The following SPATA13 variants were observed in gnomAD, a reference collection of about 807,000 sequenced individuals.
The protein encoded by SPATA13 is spermatogenesis-associated protein 13.
In SPATA13, 50 loss-of-function variants were observed where a neutral mutation model predicts 104.0. The observed-to-expected ratio is 0.48, with a 90% CI of 0.38 to 0.61. The LOEUF is 0.61. Among genes scored for constraint, SPATA13 ranks in the 20% least tolerant of loss-of-function variants. The probability of loss-of-function intolerance (pLI) is 0.00; values close to 1 mark genes in which losing one functional copy is unlikely to be tolerated. For synonymous variants in SPATA13, 606 were observed against 667.5 expected, an observed-to-expected ratio of 0.91 and a Z score of 1.42; for missense variants, 1,524 against 1,690.6, an observed-to-expected ratio of 0.90 and a Z score of 1.73.
chr13:24,064,408 A>T (rs1878880047), intron 3 of SPATA13, among the ~76,000 whole-genome samples: 1 of 152,172 alleles, frequency 6.6e-6, no homozygotes, highest in Non-Finnish European at 1.5e-5. Flanking sequence ...GTCTCCCTGA[A>T]GTTTATATGT....
chr13:24,083,406 G>T (rs1879609734), intron 3 of SPATA13, among the ~76,000 whole-genome samples: 3 of 152,206 alleles, frequency 2.0e-5, no homozygotes, highest in Non-Finnish European at 4.4e-5. Context: ...AAACAAGTCA[G>T]CAGAGTCAAG....
intron 3 of SPATA13, among the ~76,000 whole-genome samples, chr13:24,146,462 G>T (rs1331082716): frequency 6.6e-6 from 1 of 152,226 alleles, no homozygotes; most frequent in African/African-American, 2.4e-5. Flanking sequence ...TTCATTTAAA[G>T]ATAGGAATTG....
At chr13:24,013,121 T>C (rs1876552692) in intron 2 of SPATA13, among the ~76,000 whole-genome samples, 1 of 152,246 alleles carries the variant, frequency 6.6e-6, no homozygotes, top group Non-Finnish European at 1.5e-5. Flanking sequence ...CATGGCAACC[T>C]GTGCAGACAT....
intron 2 of SPATA13, among the ~76,000 whole-genome samples, chr13:24,239,693 T>TGA (rs1280564999): frequency 2.1e-5 from 1 of 46,940 alleles, no homozygotes; most frequent in East Asian, 8.1e-4. Context: ...AGACCATATC[T>TGA]AAAAAAAAAA....
At chr13:24,058,095 A>G (rs1299446332) in intron 3 of SPATA13, among the ~76,000 whole-genome samples, 3 of 151,832 alleles carry the variant, frequency 2.0e-5, no homozygotes. Flanking sequence ...CTGATCCCAC[A>G]TTGGAGTGTT....
intron 3 of SPATA13, among the ~76,000 whole-genome samples, chr13:24,062,886 T>A (rs1284509819): frequency 1.3e-5 from 2 of 152,194 alleles, no homozygotes; most frequent in Non-Finnish European, 2.9e-5. Context: ...TGTTGCAAAC[T>A]GCATGCTTGT....
intron 1 of SPATA13, among the ~76,000 whole-genome samples, chr13:24,198,783 C>T (rs74041931): frequency 0.012 from 1,828 of 152,246 alleles, 50 homozygotes; most frequent in African/African-American, 0.04. Flanking sequence ...AAAGTTTCTG[C>T]AGGTCAGCAA....
chr13:24,090,437 C>T (rs1437514536), intron 3 of SPATA13, among the ~76,000 whole-genome samples: 1 of 152,220 alleles, frequency 6.6e-6, no homozygotes, highest in East Asian at 1.9e-4. Context: ...CTAAGGTTAA[C>T]TATCTTCCCC....
intron 3 of SPATA13, among the ~76,000 whole-genome samples, chr13:24,109,358 T>C (rs1412767866): frequency 3.3e-5 from 5 of 152,212 alleles, no homozygotes; most frequent in Non-Finnish European, 7.3e-5. Flanking sequence ...CGGTCTATCA[T>C]TGATGGGCAT....
At chr13:24,163,795 C>A (rs1293432595) in intron 1 of SPATA13, among the ~76,000 whole-genome samples, 2 of 152,170 alleles carry the variant, frequency 1.3e-5, no homozygotes, top group East Asian at 3.9e-4. Flanking sequence ...CAATGCCTGG[C>A]CCTATAGCTT....
intron 2 of SPATA13, among the ~76,000 whole-genome samples, chr13:23,987,264 A>G (rs185741178): frequency 6.6e-6 from 1 of 152,262 alleles, no homozygotes; most frequent in East Asian, 1.9e-4. Flanking sequence ...TATTTCAGAA[A>G]ATATTTTCAT....
rs546997917 is a variant in SPATA13 at position 24,113,607 on chromosome 13, T to C, written c.-112+95906T>C. ...GAAAATAAGGCTGGGCGAGGTGGCT[T>C]AAGCCTGTAATCCCAGCACTTTGGG... is the stretch of plus-strand genomic sequence containing the variant. On this transcript the variant is annotated intron_variant, in intron 3 of 14. Transcript: ENST00000424834. 7.4e-5 allele frequency among the ~76,000 whole-genome samples: 11 copies of C among 148,966 alleles called. No individual in the cohort carries two copies. In the East Asian group the frequency reaches 2.2e-3, roughly 30 times the overall value.
At chr13:23,984,552 T>C (rs1875057752) in intron 2 of SPATA13, among the ~76,000 whole-genome samples, 1 of 152,158 alleles carries the variant, frequency 6.6e-6, no homozygotes, top group African/African-American at 2.4e-5. Flanking sequence ...GTCTGTGTCA[T>C]CCTCGCATTT....
intron 1 of SPATA13, among the ~76,000 whole-genome samples, chr13:24,187,410 A>T (rs1356489025): frequency 2.0e-5 from 3 of 151,862 alleles, no homozygotes; most frequent in Admixed American, 2.0e-4. Context: ...CCACCCTTCT[A>T]TTTATAGAAG....
intron 1 of SPATA13, among the ~76,000 whole-genome samples, chr13:24,171,845 C>G (rs1882983123): frequency 6.6e-6 from 1 of 152,138 alleles, no homozygotes; most frequent in African/African-American, 2.4e-5. Context: ...ACTGGTTGGC[C>G]TAAGAAAAGC....
rs550168204 is a variant in SPATA13 at position 24,226,939 on chromosome 13, G to A, written c.1653+2357G>A. Among the ~76,000 whole-genome samples, 8 of 152,330 alleles carry A rather than the reference G, an allele frequency of 5.3e-5. No homozygotes were observed. The East Asian group carries it at 1.2e-3, about 22-fold the overall frequency. On this transcript the variant is annotated intron_variant, in intron 2 of 12. Transcript: ENST00000382108. ...TGAGACTGCATATTGTCTGTTACCT[G>A]AGGTTCCCGTGGAGAGCTCACCAGT...
chr13:23,993,358 C>T (rs1474336501), intron 2 of SPATA13, among the ~76,000 whole-genome samples: 1 of 152,242 alleles, frequency 6.6e-6, no homozygotes, highest in South Asian at 2.1e-4. Flanking sequence ...CTGCCACTAA[C>T]TAGTGTGTGA....
chr13:24,238,343 G>A (rs1262403873), intron 2 of SPATA13, among the ~76,000 whole-genome samples: 2 of 152,074 alleles, frequency 1.3e-5, no homozygotes, highest in African/African-American at 4.8e-5. Flanking sequence ...TTTTAGTAGG[G>A]ACAGGGTTTT....
At chr13:24,053,805 T>C (rs906520011) in intron 3 of SPATA13, among the ~76,000 whole-genome samples, 3 of 152,212 alleles carry the variant, frequency 2.0e-5, no homozygotes, top group Non-Finnish European at 1.5e-5. Context: ...CTTAGTTTTC[T>C]TGATGGCTGT....
Sources: allele counts gnomAD v4.1 joint callset (sites outside exome capture counted in the v4.1 genomes callset), GRCh38; gene constraint gnomAD v4.1.1; transcripts MANE v1.5; gene names NCBI Gene and HGNC (gene_info 2026-07-23, HGNC 2026-07-21).